Variants in DLX5 observed in about 807,000 individuals in gnomAD.
DLX5 encodes homeobox protein DLX-5.
A neutral mutation model predicts 27.1 loss-of-function variants in DLX5; 8 were observed. The ratio of observed to expected loss-of-function variants is 0.30; its 90% confidence interval spans 0.17 to 0.53. DLX5 has a LOEUF of 0.53. DLX5 is among the 20% of genes least tolerant of loss of function. The pLI is 0.95. For synonymous variants in DLX5, 178 were observed against 161.9 expected (o/e 1.10, Z -0.75); for missense variants, 339 against 375.1 (o/e 0.90, Z 0.80).
chr7:97,021,859 G>A, intron 2 of DLX5: 1 of 572,950 alleles, frequency 1.7e-6, no homozygotes, highest in South Asian at 2.3e-5. Flanking sequence ...AAACCAGATA[G>A]CTGCTCTGGG....
chr7:97,021,191 C>G (rs758213971), intron 2 of DLX5, 126 bp from the exon 3 acceptor site: 10 of 895,746 alleles, frequency 1.1e-5, no homozygotes, highest in African/African-American at 3.4e-5. Flanking sequence ...GTCTCCCCGC[C>G]GCTTGCGGCC....
chr7:97,024,773 GC>G lies in DLX5; in HGVS notation c.-151del. The G allele has an allele frequency of 1.5e-6, 1 of 684,124 alleles. No homozygotes were observed. Among genetic ancestry groups the G allele is most frequent in the Non-Finnish European group, 2.4e-6 (1 of 415,010 alleles). The allele number at this position is 684,124 out of a possible 1,614,324, so 42.4% of individuals were successfully genotyped here. A position where few individuals can be genotyped will look rare whatever the true frequency, so the allele number is the denominator to read the frequency against. The stretch of plus-strand genomic sequence containing the variant: ...AGGAGGAGAGAAGGAGGAGGCGGCG[GC>G]CGCGGCGAGGAGGAGACTGGGAGTC... On this transcript the variant is annotated 5_prime_UTR_variant, in exon 1 of 3. Coordinates refer to ENST00000648378, the MANE Select transcript of DLX5 (RefSeq NM_005221.6). The surrounding 1 kb of genome is among the most constrained non-coding windows in gnomAD (Gnocchi z 4.6).
Position 97,022,292 on chromosome 7 carries a change from A to T in DLX5, c.433T>A (p.Ser145Thr), listed in dbSNP as rs1300979300. 1 of 1,614,238 alleles carries T rather than the reference A, an allele frequency of 6.2e-7. No homozygotes were observed. Among genetic ancestry groups the T allele is most frequent in the Non-Finnish European group, 8.5e-7 (1 of 1,180,036 alleles). Reference sequence around the variant, plus strand: ...TGTAATGCGGCCAGCTGAAAGCTGGAATAAATAGTCCTGGGTTTACGAACT... The same window carrying T: ...TGTAATGCGGCCAGCTGAAAGCTGGTATAAATAGTCCTGGGTTTACGAACT... ...KKVRKPRTIYSSFQLAALQRR... is the reference protein window; with the variant it reads ...KKVRKPRTIYTSFQLAALQRR... Residue 145 changes from serine (S) to threonine (T), a missense_variant, in exon 2 of 3, where the codon TCC becomes ACC. Ser to Thr is a moderately conservative substitution (Grantham distance 58). Transcript: ENST00000648378.
chr7:97,021,107 A>G (rs369817897), intron 2 of DLX5, 42 bp from the exon 3 acceptor site: 3 of 1,545,750 alleles, frequency 1.9e-6, no homozygotes, highest in African/African-American at 1.4e-5. Context: ...GGACACTCAG[A>G]GGTCGCCCGC....
At chr7:97,023,151 C>G (rs1447568182) in intron 1 of DLX5, among the ~76,000 whole-genome samples, 2 of 151,884 alleles carry the variant, frequency 1.3e-5, no homozygotes, top group Non-Finnish European at 2.9e-5. Context: ...TGAGAAGGAA[C>G]CGGTGGTGGG....
rs751835694 is a variant in DLX5, at chr7:97,020,980, G to A, written c.626C>T (p.Ser209Phe). Reference protein sequence around the residue: ...GEMPPEHSPSSSDPMACNSPQ... With the variant: ...GEMPPEHSPSFSDPMACNSPQ... Reference sequence around the variant, plus strand: ...CGAGTTACACGCCATTGGGTCGCTGGAGCTGGGACTGTGCTCCGGGGGCAT... The same window carrying A: ...CGAGTTACACGCCATTGGGTCGCTGAAGCTGGGACTGTGCTCCGGGGGCAT... The change falls in exon 3 of 3, where the codon TCC (serine) becomes TTC (phenylalanine). Residue 209 changes from serine (S) to phenylalanine (F), a missense_variant. This residue lies in a region of DLX5 where 136 missense variants were observed against 130.3 expected (regional missense o/e 1.04). Coordinates refer to ENST00000648378, the MANE Select transcript of DLX5 (RefSeq NM_005221.6). The A allele has an allele frequency of 1.2e-6, 2 of 1,613,876 alleles. No individual in the cohort carries two copies. Among genetic ancestry groups the A allele is most frequent in the East Asian group, 2.2e-5 (1 of 44,876 alleles).
intron 1 of DLX5, 133 bp from the exon 2 acceptor site, chr7:97,022,502 C>G (rs746265587): frequency 6.0e-6 from 9 of 1,492,010 alleles, no homozygotes; most frequent in Non-Finnish European, 8.0e-6. Context: ...ACCACCTTTG[C>G]TTTTCAGGAC....
chr7:97,020,695 C>A lies in DLX5; in HGVS notation c.*41G>T. 6.7e-7 allele frequency: 1 copy of A among 1,488,366 alleles called. No homozygotes were observed. Among genetic ancestry groups the A allele is most frequent in the Non-Finnish European group, 9.0e-7 (1 of 1,112,780 alleles). The allele number at this position is 1,488,366 out of a possible 1,614,324, so 92.2% of individuals were successfully genotyped here. A position where few individuals can be genotyped will look rare whatever the true frequency, so the allele number is the denominator to read the frequency against. On this transcript the variant is annotated 3_prime_UTR_variant, in exon 3 of 3. Coordinates refer to ENST00000648378, the MANE Select transcript of DLX5 (RefSeq NM_005221.6). ...TTTATGATTTTCTAGAACAGCAAAA[C>A]ACAGTAGTCCCAAAAAAGAGAGTAA...
chr7:97,023,435 G>A (rs1009752765), intron 1 of DLX5, among the ~76,000 whole-genome samples: 2 of 151,654 alleles, frequency 1.3e-5, no homozygotes, highest in Non-Finnish European at 2.9e-5. Context: ...CCAGAGTAGG[G>A]GATGCTAATA....
chr7:97,024,661 T>G lies in DLX5; in HGVS notation c.-38A>C, dbSNP rs1790145574. 1 of 1,548,518 alleles carries G rather than the reference T, an allele frequency of 6.5e-7. No individual in the cohort carries two copies. Among genetic ancestry groups the G allele is most frequent in the African/African-American group, 1.4e-5 (1 of 73,378 alleles). On this transcript the variant is annotated 5_prime_UTR_variant, in exon 1 of 3. Transcript: ENST00000648378. The surrounding 1 kb of genome is among the most constrained non-coding windows in gnomAD (Gnocchi z 4.6). ...GCGGCAGCGGCTGTCCTTGCTGTTG[T>G]GGCGGCGGCAGCTGCCCTAGTTGGC...
Position 97,022,176 on chromosome 7 carries a change from CGTATTTACCTGTGTTT to C in DLX5, c.533_540+8del. 6.2e-7 allele frequency: 1 copy of C among 1,613,970 alleles called. No homozygotes were observed. The highest frequency in any genetic ancestry group is 8.5e-7 in the Non-Finnish European group (1 of 1,180,034). ...AGGCAGGTCTAGTGCATGGCAGCGCCGTATTTACCTGTGTTTGTGTCAATCCCAGCGAGGCGGCCAG... is the reference window on the plus strand; with the variant it reads ...AGGCAGGTCTAGTGCATGGCAGCGCCGTGTCAATCCCAGCGAGGCGGCCAG... On this transcript the variant is annotated splice_donor_variant and splice_donor_5th_base_variant and coding_sequence_variant and intron_variant, in exon 2 of 3. Coordinates refer to ENST00000648378, the MANE Select transcript of DLX5 (RefSeq NM_005221.6). LOFTEE classifies it high-confidence loss of function.
chr7:97,024,330 A>G lies in DLX5; in HGVS notation c.294T>C (p.Ala98=). The part of the protein sequence containing the change: ...PAKAYADYSY[A]SSYHQYGGAY... ...CGCCGCCGTACTGGTGGTAGGAGCT[A>G]GCGTAGCTATAGTCGGCATAAGCTT... Residue 98 remains alanine (A), a synonymous_variant, in exon 1 of 3, where the codon GCT becomes GCC. Transcript: ENST00000648378. The surrounding 1 kb of genome is among the most constrained non-coding windows in gnomAD (Gnocchi z 4.6). 6.2e-7 allele frequency: 1 copy of G among 1,614,202 alleles called. No individual in the cohort carries two copies. Among genetic ancestry groups the G allele is most frequent in the Non-Finnish European group, 8.5e-7 (1 of 1,180,046 alleles).
chr7:97,021,949 CGGGGT>C (rs1790074209), intron 2 of DLX5: 4 of 612,628 alleles, frequency 6.5e-6, no homozygotes. Flanking sequence ...AGGCCCGCTA[CGGGGT>C]GGGGGCGGGG....
chr7:97,021,950 G>T, intron 2 of DLX5: 1 of 612,368 alleles, frequency 1.6e-6, no homozygotes, highest in South Asian at 2.0e-5. Flanking sequence ...GGCCCGCTAC[G>T]GGGTGGGGGC....
chr7:97,024,159 G>T lies in DLX5; in HGVS notation c.355+110C>A. 1 of 996,974 alleles carries T rather than the reference G, an allele frequency of 1.0e-6. No individual in the cohort carries two copies. Among genetic ancestry groups the T allele is most frequent in the Non-Finnish European group, 1.5e-6 (1 of 688,728 alleles). The allele number at this position is 996,974 out of a possible 1,614,324, so 61.8% of individuals were successfully genotyped here. On this transcript the variant is annotated intron_variant, in intron 1 of 2. Coordinates refer to ENST00000648378, the MANE Select transcript of DLX5 (RefSeq NM_005221.6). The surrounding 1 kb of genome is among the most constrained non-coding windows in gnomAD (Gnocchi z 4.6). ...TCTGAGTCCTACTCCCTTCTGCCGC[G>T]TGCGCCCCCACTGCCGTGAACCGCT... is the stretch of plus-strand genomic sequence containing the variant.
Position 97,020,965 on chromosome 7 carries a change from G to A in DLX5, c.641C>T (p.Ala214Val). The change falls in exon 3 of 3, where the codon GCG (alanine) becomes GTG (valine). Residue 214 changes from alanine (A) to valine (V), a missense_variant. This residue lies in a region of DLX5 where 136 missense variants were observed against 130.3 expected (regional missense o/e 1.04). Transcript: ENST00000648378. ...CGCTGGAGACTGCGGCGAGTTACAC[G>A]CCATTGGGTCGCTGGAGCTGGGACT... ...EHSPSSSDPM[A>V]CNSPQSPAVW... The A allele has an allele frequency of 6.2e-7, 1 of 1,613,938 alleles. No individual in the cohort carries two copies. The highest frequency in any genetic ancestry group is 8.5e-7 in the Non-Finnish European group (1 of 1,180,048).
Position 97,024,730 on chromosome 7 carries a change from GGGA to G in DLX5, c.-110_-108del. The G allele has an allele frequency of 9.2e-6, 9 of 976,120 alleles. No homozygotes were observed. The highest frequency in any genetic ancestry group is 2.5e-5 in the Admixed American group (1 of 39,902). The allele number at this position is 976,120 out of a possible 1,614,324, so 60.5% of individuals were successfully genotyped here. A position where few individuals can be genotyped will look rare whatever the true frequency, so the allele number is the denominator to read the frequency against. On this transcript the variant is annotated 5_prime_UTR_variant, in exon 1 of 3. Transcript: ENST00000648378. The surrounding 1 kb of genome is among the most constrained non-coding windows in gnomAD (Gnocchi z 4.6). ...TAAGCAGACATGGCTGTGGGAGCGAGGGAGGAGGAGGAAGAGGAGGAGGAGAGA... is the reference window on the plus strand; with the variant it reads ...TAAGCAGACATGGCTGTGGGAGCGAGGGAGGAGGAAGAGGAGGAGGAGAGA...
intron 1 of DLX5, among the ~76,000 whole-genome samples, chr7:97,023,036 A>G (rs1790106940): frequency 1.3e-5 from 2 of 151,204 alleles, no homozygotes; most frequent in East Asian, 1.9e-4. Flanking sequence ...AAAAAAAAAA[A>G]AAAAAAAGAA....
Position 97,024,465 on chromosome 7 carries a change from TC to T in DLX5, c.158del (p.Gly53GlufsTer28). The T allele has an allele frequency of 6.2e-7, 1 of 1,614,038 alleles. No homozygotes were observed. Among genetic ancestry groups the T allele is most frequent in the Non-Finnish European group, 8.5e-7 (1 of 1,180,000 alleles). ...TAGGAGAGCAGTAGCCGTGCGGGGC[TC>T]CCCCCGTAGGGCTGTAGTAGTCAGA... is the stretch of plus-strand genomic sequence containing the variant. The part of the protein sequence containing the change: ...TDSDYYSPTG[G>X]APHGYCSPTS... On this transcript the variant is annotated frameshift_variant, in exon 1 of 3. Coordinates refer to ENST00000648378, the MANE Select transcript of DLX5 (RefSeq NM_005221.6). LOFTEE classifies it high-confidence loss of function. This position sits in a 1 kb window ranked among gnomAD's most constrained non-coding sequence, Gnocchi z 4.6.
Sources: allele counts gnomAD v4.1 joint callset (sites outside exome capture counted in the v4.1 genomes callset), GRCh38; gene constraint gnomAD v4.1.1; regional missense constraint gnomAD v4.1.1; non-coding constraint Gnocchi (gnomAD v3.1); transcripts MANE v1.5; gene names NCBI Gene and HGNC (gene_info 2026-07-23, HGNC 2026-07-21).